Variants in ZEB1 observed in about 807,000 individuals in gnomAD.
ZEB1 encodes the protein zinc finger E-box-binding homeobox 1.
In ZEB1, 21 loss-of-function variants were observed where a neutral mutation model predicts 84.9. That is an observed-to-expected ratio of 0.25 (90% CI 0.18 to 0.36). The LOEUF is 0.36. Ranked by LOEUF, ZEB1 falls within the 10% of genes least tolerant of loss-of-function variation. The pLI, the probability that ZEB1 is intolerant of heterozygous loss-of-function variation, is 1.00. For synonymous variants in ZEB1, 420 were observed against 471.1 expected, an observed-to-expected ratio of 0.89 and a Z score of 1.41; for missense variants, 1,104 against 1,330.2, an observed-to-expected ratio of 0.83 and a Z score of 2.65.
chr10:31,319,495 T>C, intron 1 of ZEB1: 1 of 603,296 alleles, frequency 1.7e-6, no homozygotes, highest in Non-Finnish European at 2.9e-6. Flanking sequence ...TCGCTCTCCC[T>C]GAACCGTTAT....
intron 2 of ZEB1, among the ~76,000 whole-genome samples, chr10:31,485,384 C>T (rs76842969): frequency 0.033 from 5,025 of 151,928 alleles, 257 homozygotes; most frequent in African/African-American, 0.11. Flanking sequence ...AGTCTACTCA[C>T]GGACCCAGTA....
chr10:31,436,299 T>G (rs2136362183), intron 1 of ZEB1, among the ~76,000 whole-genome samples: 1 of 152,334 alleles, frequency 6.6e-6, no homozygotes, highest in South Asian at 2.1e-4. Flanking sequence ...TGCTTTAAGT[T>G]TTATCATCTT....
chr10:31,415,817 A>T (rs1365083992), intron 1 of ZEB1, among the ~76,000 whole-genome samples: 1 of 152,080 alleles, frequency 6.6e-6, no homozygotes, highest in Non-Finnish European at 1.5e-5. Context: ...TTTATAGCTG[A>T]TTCTTGGCAA....
chr10:31,437,128 G>T (rs2058386957), intron 1 of ZEB1, among the ~76,000 whole-genome samples: 1 of 152,216 alleles, frequency 6.6e-6, no homozygotes, highest in African/African-American at 2.4e-5. Context: ...TTTTACCTCT[G>T]TTGCACATTA....
intron 3 of ZEB1, among the ~76,000 whole-genome samples, chr10:31,496,217 C>T (rs1463851502): frequency 6.6e-6 from 1 of 151,844 alleles, no homozygotes; most frequent in African/African-American, 2.4e-5. Flanking sequence ...CTTTGAATTG[C>T]CCACAAGACA....
chr10:31,491,616 T>C (rs1375944433), intron 2 of ZEB1, among the ~76,000 whole-genome samples: 1 of 151,888 alleles, frequency 6.6e-6, no homozygotes, highest in African/African-American at 2.4e-5. Context: ...CTACTCTGAA[T>C]TCTTGTCATG....
At chr10:31,392,283 A>G (rs1279549445) in intron 1 of ZEB1, among the ~76,000 whole-genome samples, 1 of 152,184 alleles carries the variant, frequency 6.6e-6, no homozygotes, top group African/African-American at 2.4e-5. Flanking sequence ...CTCTCTTCAA[A>G]TTCTGTCTCC....
chr10:31,390,218 A>G (rs544913296), intron 1 of ZEB1, among the ~76,000 whole-genome samples: 21 of 152,328 alleles, frequency 1.4e-4, no homozygotes, highest in Admixed American at 6.5e-4. Context: ...TGGGTGTCCT[A>G]TATTTTATCT....
intron 1 of ZEB1, among the ~76,000 whole-genome samples, chr10:31,412,594 CT>C (rs1305640832): frequency 1.3e-5 from 2 of 152,174 alleles, no homozygotes; most frequent in African/African-American, 2.4e-5. Flanking sequence ...TCAATTCATC[CT>C]TTTTTATGGC....
In ZEB1 at chr10:31,527,125, A is replaced by G; in HGVS notation, c.3239A>G (p.Glu1080Gly). The G allele has an allele frequency of 6.2e-7, 1 of 1,607,138 alleles. No homozygotes were observed. Among genetic ancestry groups the G allele is most frequent in the Non-Finnish European group, 8.5e-7 (1 of 1,176,420 alleles). The change falls in exon 9 of 9, where the codon GAG becomes GGG. Residue 1080 changes from glutamate to glycine, a missense_variant. Physicochemically the swap from Glu to Gly is moderately conservative, Grantham distance 98. This residue lies in a region of ZEB1 where 173 missense variants were observed against 167.0 expected (regional missense o/e 1.04). Coordinates refer to ENST00000424869, the MANE Select transcript of ZEB1 (RefSeq NM_001174096.2). ...GAAGTGGAAGAAGAAGAGGTAGAAG[A>G]GGCAGAGAATGAGGGAGAAGAAGCA... Reference protein sequence around the residue: ...EEEVEEEEVEEAENEGEEAKT... With the variant: ...EEEVEEEEVEGAENEGEEAKT...
At chr10:31,396,630 T>G (rs2050781623) in intron 1 of ZEB1, among the ~76,000 whole-genome samples, 1 of 152,188 alleles carries the variant, frequency 6.6e-6, no homozygotes, top group Admixed American at 6.5e-5. Flanking sequence ...AGAGAAAAGC[T>G]TCATTAAGGA....
chr10:31,528,425 T>C lies in ZEB1; in HGVS notation c.*1161T>C, dbSNP rs1318415103. The stretch of plus-strand genomic sequence containing the variant: ...TTGCATTTCAGACATGGACATGCTA[T>C]TGTTATTTGGCTCATAACTGTTTCC... On this transcript the variant is annotated 3_prime_UTR_variant, in exon 9 of 9. Coordinates refer to ENST00000424869, the MANE Select transcript of ZEB1 (RefSeq NM_001174096.2). 2 of 152,222 alleles carry C rather than the reference T, an allele frequency of 1.3e-5. No homozygotes were observed. The highest frequency in any genetic ancestry group is 2.9e-5 in the Non-Finnish European group (2 of 68,036). The allele number at this position is 152,222 out of a possible 1,614,324, so 9.4% of individuals were successfully genotyped here.
At position 31,521,905 on chromosome 10, in the gene ZEB1, C is replaced by A; in HGVS notation, c.2573C>A (p.Pro858His). Residue 858 changes from proline (P) to histidine (H), a missense_variant, in exon 7 of 9, where the codon CCC (proline) becomes CAC (histidine). Around this residue, in one of 7 missense-constraint regions of ZEB1, gnomAD observed 531 missense variants for 575.2 expected, o/e 0.92. Coordinates refer to ENST00000424869, the MANE Select transcript of ZEB1 (RefSeq NM_001174096.2). ...TTVSPAVQEP[P>H]LKVIQPNGNQ... Reference sequence around the variant, plus strand: ...GTCAGCCCTGCAGTCCAAGAACCACCCTTGAAAGTGATCCAGCCAAATGGA... The same window carrying A: ...GTCAGCCCTGCAGTCCAAGAACCACACTTGAAAGTGATCCAGCCAAATGGA... 6.2e-7 allele frequency: 1 copy of A among 1,613,982 alleles called. No individual in the cohort carries two copies. Among genetic ancestry groups the A allele is most frequent in the East Asian group, 2.2e-5 (1 of 44,834 alleles).
At chr10:31,358,719 G>T (rs1008583265) in intron 1 of ZEB1, 1 of 152,096 alleles carries the variant, frequency 6.6e-6, no homozygotes, top group Non-Finnish European at 1.5e-5. Context: ...AAAATTTTCT[G>T]TGTAGAAAAT....
chr10:31,468,685 A>T (rs1221895634), intron 2 of ZEB1, among the ~76,000 whole-genome samples: 1 of 152,210 alleles, frequency 6.6e-6, no homozygotes, highest in Non-Finnish European at 1.5e-5. Context: ...ATTTATACAG[A>T]GCCTTGGCCC....
rs369587040 is a variant in ZEB1 at position 31,502,492 on chromosome 10, G to T, written c.467G>T (p.Ser156Ile). The change falls in exon 4 of 9, where the codon AGT becomes ATT. Residue 156 changes from serine to isoleucine, a missense_variant. By Grantham distance (142) the Ser-to-Ile change is moderately radical. This residue lies in a region of ZEB1 where 71 missense variants were observed against 119.1 expected (regional missense o/e 0.60). Transcript: ENST00000424869. ...CAGAGGCAGGGCACACCAGAAGCCAGTGGTCATGATGAAAATGGTAAATGG... is the reference window on the plus strand; with the variant it reads ...CAGAGGCAGGGCACACCAGAAGCCATTGGTCATGATGAAAATGGTAAATGG... ...EDQRQGTPEA[S>I]GHDENGTPDA... 3.3e-5 allele frequency: 53 copies of T among 1,613,834 alleles called. No homozygotes were observed. In the African/African-American group the frequency reaches 6.5e-4, roughly 20 times the overall value.
chr10:31,429,685 A>C (rs1306656457), intron 1 of ZEB1, among the ~76,000 whole-genome samples: 1 of 146,222 alleles, frequency 6.8e-6, no homozygotes, highest in Non-Finnish European at 1.5e-5. Context: ...TTAAAAGTTA[A>C]AAAAAAAAAA....
At chr10:31,497,924 AATAGATAG>A (rs145458133) in intron 3 of ZEB1, among the ~76,000 whole-genome samples, 1,898 of 145,482 alleles carry the variant, frequency 0.013, 32 homozygotes, top group African/African-American at 0.031. Flanking sequence ...AGGATGGAAA[AATAGATAG>A]ATAGATAGAT....
chr10:31,460,984 AC>A, intron 1 of ZEB1, 52 bp from the exon 2 acceptor site: 1 of 1,425,046 alleles, frequency 7.0e-7, no homozygotes, highest in Non-Finnish European at 9.9e-7. Context: ...AGATGTAAAA[AC>A]TGATTGTTTT....
Sources: gnomAD v4.1 joint callset for allele counts (sites outside exome capture counted in the v4.1 genomes callset) on GRCh38, gnomAD v4.1.1 for gene constraint, gnomAD v4.1.1 regional missense constraint, MANE v1.5 for transcripts, NCBI Gene and HGNC (gene_info 2026-07-23, HGNC 2026-07-21) for gene names.